RMP64: variants seen among roughly 807,000 people sequenced by gnomAD.
RMP64 encodes the protein nucleolus and neural progenitor protein.
chr3:113,008,479 G>A, the RMP64 span: 5 of 1,469,908 alleles, frequency 3.4e-6, no homozygotes, highest in Admixed American at 1.8e-5. Context: ...TTACTGACTT[G>A]TAATTATATG....
the RMP64 span, chr3:113,008,483 T>C: frequency 6.2e-6 from 9 of 1,453,542 alleles, no homozygotes; most frequent in African/African-American, 4.2e-5. Flanking sequence ...TGACTTGTAA[T>C]TATATGACAA....
chr3:113,007,347 A>G, the RMP64 span, among the ~76,000 whole-genome samples: 1 of 152,228 alleles, frequency 6.6e-6, no homozygotes, highest in Non-Finnish European at 1.5e-5. Flanking sequence ...GCAAATTTTA[A>G]AAGAAAATTT....
At chr3:113,017,042 G>A in the RMP64 span, among the ~76,000 whole-genome samples, 1 of 152,138 alleles carries the variant, frequency 6.6e-6, no homozygotes. Context: ...ATAATAAGTA[G>A]ACAAGTTTTT....
the RMP64 span, among the ~76,000 whole-genome samples, chr3:113,018,600 GAA>G: frequency 3.3e-5 from 5 of 152,134 alleles, no homozygotes; most frequent in African/African-American, 1.2e-4. Flanking sequence ...TGTCTCTAGT[GAA>G]AAGAGGGATG....
At chr3:113,009,446 G>A in the RMP64 span, 1 of 152,228 alleles carries the variant, frequency 6.6e-6, no homozygotes, top group East Asian at 1.9e-4. Context: ...TATAGTAGCA[G>A]TTAGTTTTGA....
At chr3:113,007,119 C>T in the RMP64 span, among the ~76,000 whole-genome samples, 1 of 152,038 alleles carries the variant, frequency 6.6e-6, no homozygotes, top group Non-Finnish European at 1.5e-5. Context: ...CAATTTTAAA[C>T]AGAATGCTTC....
chr3:113,007,769 G>A, the RMP64 span, among the ~76,000 whole-genome samples: 1 of 152,172 alleles, frequency 6.6e-6, no homozygotes, highest in Non-Finnish European at 1.5e-5. Context: ...TTCTGCTTCT[G>A]CTCTCATGCC....
At chr3:113,013,553 A>C in the RMP64 span, 98 of 706,802 alleles carry the variant, frequency 1.4e-4, no homozygotes, top group Admixed American at 1.5e-3. Flanking sequence ...ATGGCAGAAG[A>C]AGCACAGAGC....
At chr3:113,009,176 T>G in the RMP64 span, among the ~76,000 whole-genome samples, 1 of 152,306 alleles carries the variant, frequency 6.6e-6, no homozygotes, top group Non-Finnish European at 1.5e-5. Context: ...GCACCTTTAC[T>G]TCTTCAACCC....
chr3:113,008,351 G>C, the RMP64 span: 1 of 1,613,750 alleles, frequency 6.2e-7, no homozygotes, highest in South Asian at 1.1e-5. Context: ...TTTGGCATGA[G>C]GAGTTCCTAT....
At chr3:113,008,487 A>G in the RMP64 span, 2 of 1,437,822 alleles carry the variant, frequency 1.4e-6, no homozygotes, top group Non-Finnish European at 1.9e-6. Context: ...TTGTAATTAT[A>G]TGACAACAAG....
chr3:113,008,529 T>A, the RMP64 span: 1 of 1,058,234 alleles, frequency 9.4e-7, no homozygotes, highest in Non-Finnish European at 1.4e-6. Flanking sequence ...ATTTAAAAAT[T>A]AGAATTATCA....
At chr3:113,013,526 G>GATGC in the RMP64 span, 1 of 850,830 alleles carries the variant, frequency 1.2e-6, no homozygotes, top group South Asian at 1.9e-5. Flanking sequence ...GAAACAAAGA[G>GATGC]ATGCATAGGG....
At chr3:113,013,372 C>T in the RMP64 span, 1 of 1,612,278 alleles carries the variant, frequency 6.2e-7, no homozygotes, top group Non-Finnish European at 8.5e-7. Context: ...CTGGGGACAA[C>T]ACATACTTTG....
the RMP64 span, chr3:113,005,112 A>G: frequency 6.6e-5 from 14 of 213,052 alleles, no homozygotes; most frequent in East Asian, 1.1e-4. Flanking sequence ...AATGGAGCCA[A>G]TAAGACCAAA....
At chr3:113,013,997 A>C in the RMP64 span, 1 of 1,613,846 alleles carries the variant, frequency 6.2e-7, no homozygotes, top group Non-Finnish European at 8.5e-7. Flanking sequence ...AGCCCTCCAA[A>C]TTCATGTTTT....
At chr3:113,015,408 G>A in the RMP64 span, among the ~76,000 whole-genome samples, 4 of 152,086 alleles carry the variant, frequency 2.6e-5, no homozygotes, top group African/African-American at 2.4e-5. Flanking sequence ...AGGCAGAGAG[G>A]GAGTGCTGAG....
chr3:113,009,741 C>G, the RMP64 span, among the ~76,000 whole-genome samples: 1 of 152,156 alleles, frequency 6.6e-6, no homozygotes, highest in African/African-American at 2.4e-5. Context: ...GCATGCCCAC[C>G]TCACAGAGCT....
At chr3:113,009,261 G>A in the RMP64 span, among the ~76,000 whole-genome samples, 9 of 151,980 alleles carry the variant, frequency 5.9e-5, no homozygotes, top group Admixed American at 2.6e-4. Flanking sequence ...CTGCCTACGA[G>A]ATGATCTGCT....
Sources: allele counts gnomAD v4.1 joint callset (sites outside exome capture counted in the v4.1 genomes callset), GRCh38; gene constraint gnomAD v4.1.1; transcripts MANE v1.5; gene names NCBI Gene and HGNC (gene_info 2026-07-23, HGNC 2026-07-21).